The following BCORL1 variants were observed in gnomAD, a reference collection of about 807,000 sequenced individuals.
The protein encoded by BCORL1 is BCL6 corepressor like 1, also known as BCL-6 corepressor-like protein 1.
Under a neutral mutation model 87.6 loss-of-function variants are expected in BCORL1, and 7 were observed. The ratio of observed to expected loss-of-function variants is 0.08; its 90% CI spans 0.05 to 0.15. The LOEUF is 0.15. BCORL1 is among the 10% of genes least tolerant of loss of function. The pLI is 1.00. For synonymous variants in BCORL1, 591 were observed against 634.4 expected (o/e 0.93, Z 1.03); for missense variants, 1,215 against 1,499.7 (o/e 0.81, Z 3.13).
intron 6 of BCORL1, among the ~76,000 whole-genome samples, chrX:130,024,291 C>T (rs1930064418): frequency 9.0e-6 from 1 of 110,734 alleles, no homozygotes; most frequent in Non-Finnish European, 1.9e-5. Flanking sequence ...GAGGGAGGTG[C>T]CTGGGAGGAA....
chrX:130,053,004 G>A (rs185622243), intron 13 of BCORL1, among the ~76,000 whole-genome samples: 263 of 111,504 alleles, frequency 2.4e-3, no homozygotes, highest in African/African-American at 8.1e-3. Flanking sequence ...GGCGGGCATG[G>A]TGGCGGGTGC....
At chrX:129,982,485 C>T (rs1926190293), upstream of BCORL1, 1 of 109,266 alleles carries the variant, frequency 9.2e-6, no homozygotes, top group African/African-American at 3.3e-5. Context: ...CCGCGTAGGC[C>T]GCATTCTGGG....
chrX:130,026,613 G>A lies in BCORL1; in HGVS notation c.4078+1234G>A, dbSNP rs186488319. 7.3e-4 allele frequency among the ~76,000 whole-genome samples: 82 copies of A among 112,407 alleles called. No individual in the cohort carries two copies. In the Middle Eastern group the frequency reaches 0.014, roughly 19 times the overall value. Reference sequence around the variant, plus strand: ...GAAGCTTCCTGTGGAACATATTGGCGCTTGGAACCAGAAGGACCTTCGAGG... The same window carrying A: ...GAAGCTTCCTGTGGAACATATTGGCACTTGGAACCAGAAGGACCTTCGAGG... On this transcript the variant is annotated intron_variant, in intron 7 of 13. Coordinates refer to ENST00000540052, the MANE Select transcript of BCORL1 (RefSeq NM_001379451.1).
At chrX:130,012,915 C>A in intron 3 of BCORL1, 35 bp from the exon 4 acceptor site, 1 of 1,170,551 alleles carries the variant, frequency 8.5e-7, no homozygotes, top group Non-Finnish European at 1.1e-6. Flanking sequence ...CTGCAGGGAG[C>A]TGGCTGAGAT....
chrX:130,036,908 A>G (rs1455920403), intron 9 of BCORL1, among the ~76,000 whole-genome samples: 2 of 112,093 alleles, frequency 1.8e-5, no homozygotes, highest in African/African-American at 6.5e-5. Context: ...CACTTTGGGA[A>G]GCCAAGGTGG....
chrX:130,037,495 C>T lies in BCORL1; in HGVS notation c.4656C>T (p.His1552=), dbSNP rs145672322. 2.2e-4 allele frequency: 265 copies of T among 1,209,525 alleles called. No individual in the cohort carries two copies. Among genetic ancestry groups the T allele is most frequent in the Non-Finnish European group, 2.7e-4 (244 of 895,043 alleles). Residue 1552 remains histidine (H), a synonymous_variant, in exon 10 of 14, where the codon CAC becomes CAT. Transcript: ENST00000540052. ...ACATCCTGAACATCCTGCTGGAGCA[C>T]GGGGCCAACGTGAACTGCAGTGCGC... ...WTDILNILLE[H]GANVNCSAQD...
At chrX:130,025,996 C>CT (rs1230912193) in intron 7 of BCORL1, among the ~76,000 whole-genome samples, 5 of 111,586 alleles carry the variant, frequency 4.5e-5, no homozygotes, top group South Asian at 7.5e-4. Context: ...AAGAGAAAAC[C>CT]AGGCTTTCTC....
At chrX:129,990,910 TTTAA>T (rs2124333014) in intron 1 of BCORL1, among the ~76,000 whole-genome samples, 2 of 111,596 alleles carry the variant, frequency 1.8e-5, no homozygotes, top group South Asian at 3.8e-4. Context: ...GTTGTGTTTA[TTTAA>T]TTAATTAATT....
chrX:130,045,671 G>A (rs1330381236), intron 11 of BCORL1, among the ~76,000 whole-genome samples: 1 of 111,183 alleles, frequency 9.0e-6, no homozygotes, highest in Non-Finnish European at 1.9e-5. Context: ...AGGCTGAAGT[G>A]CAGTGGCGCA....
chrX:129,981,450 T>C (rs1474161164), upstream of BCORL1: 1 of 110,254 alleles, frequency 9.1e-6, no homozygotes, highest in Admixed American at 9.6e-5. Context: ...CGCATGGACA[T>C]TGGGGTTTAG....
intron 11 of BCORL1, among the ~76,000 whole-genome samples, chrX:130,042,166 G>A (rs1931374937): frequency 9.0e-6 from 1 of 110,976 alleles, no homozygotes; most frequent in African/African-American, 3.3e-5. Flanking sequence ...ATAGCTCAGT[G>A]CAGTTTCAAA....
At chrX:130,005,374 C>T (rs1203316771) in intron 2 of BCORL1, 57 bp downstream of exon 2, 1 of 1,044,518 alleles carries the variant, frequency 9.6e-7, no homozygotes, top group African/African-American at 1.9e-5. Context: ...ACCTCGTCAC[C>T]AGAGGGATAG....
intron 10 of BCORL1, among the ~76,000 whole-genome samples, chrX:130,037,894 CAT>C (rs1931054752): frequency 9.0e-6 from 1 of 111,587 alleles, no homozygotes; most frequent in Non-Finnish European, 1.9e-5. Flanking sequence ...CTCAAAAAAA[CAT>C]AAAAAATAAA....
intron 1 of BCORL1, among the ~76,000 whole-genome samples, chrX:129,993,418 G>A (rs1445122101): frequency 8.9e-6 from 1 of 112,751 alleles, no homozygotes; most frequent in Non-Finnish European, 1.9e-5. Context: ...AGGCACGCTG[G>A]CTCACGCCTA....
intron 1 of BCORL1, among the ~76,000 whole-genome samples, chrX:129,989,302 ATTTTTTTTTT>A (rs34124916): frequency 4.2e-5 from 3 of 71,725 alleles, no homozygotes; most frequent in Non-Finnish European, 7.7e-5. Flanking sequence ...TGCCCGGCTA[ATTTTTTTTTT>A]TTTTTTTTTT....
chrX:129,984,155 G>C (rs1433060314), intron 1 of BCORL1, among the ~76,000 whole-genome samples: 1 of 101,243 alleles, frequency 9.9e-6, no homozygotes, highest in Non-Finnish European at 2.0e-5. Flanking sequence ...CGGGGCCGGG[G>C]GCGGCGCTGC....
intron 1 of BCORL1, among the ~76,000 whole-genome samples, chrX:129,998,018 T>C (rs1927701492): frequency 9.5e-6 from 1 of 105,284 alleles, no homozygotes. Context: ...TATTTTTTTT[T>C]CCCAGCCACA....
rs143864671 is a variant in BCORL1 at position 130,014,661 on chromosome X, G to C, written c.1889G>C (p.Arg630Pro). 1.7e-6 allele frequency: 2 copies of C among 1,208,888 alleles called. No homozygotes were observed. Among genetic ancestry groups the C allele is most frequent in the African/African-American group, 3.5e-5 (2 of 56,837 alleles). Residue 630 changes from arginine (R) to proline (P), a missense_variant, in exon 4 of 14, where the codon CGC becomes CCC. Coordinates refer to ENST00000540052, the MANE Select transcript of BCORL1 (RefSeq NM_001379451.1). Reference protein sequence around the residue: ...MPLDLSSKSNRQKLPLPNQRK... With the variant: ...MPLDLSSKSNPQKLPLPNQRK... ...CTTGATCTGTCCTCCAAGTCCAACCGCCAGAAGCTTCCATTGCCGAACCAG... is the reference window on the plus strand; with the variant it reads ...CTTGATCTGTCCTCCAAGTCCAACCCCCAGAAGCTTCCATTGCCGAACCAG...
intron 11 of BCORL1, among the ~76,000 whole-genome samples, chrX:130,044,023 G>A (rs1314381949): frequency 2.9e-5 from 3 of 104,217 alleles, no homozygotes; most frequent in South Asian, 4.4e-4. Context: ...CGCTCGCCTC[G>A]GCCTCCCAAA....
Sources: allele counts gnomAD v4.1 joint callset (sites outside exome capture counted in the v4.1 genomes callset), GRCh38; gene constraint gnomAD v4.1.1; transcripts MANE v1.5; gene names NCBI Gene and HGNC (gene_info 2026-07-23, HGNC 2026-07-21).